Variants in ZNF385D observed in about 807,000 individuals in gnomAD.
ZNF385D encodes zinc finger protein 385D, also known as zinc finger protein 659.
A neutral mutation model predicts 35.8 loss-of-function variants in ZNF385D; 15 were observed. The observed-to-expected ratio is 0.42, with a 90% confidence interval of 0.28 to 0.64. ZNF385D has a LOEUF of 0.64. ZNF385D is among the 30% of genes least tolerant of loss of function. The probability of loss-of-function intolerance (pLI) is 0.23; values close to 1 mark genes in which losing one functional copy is unlikely to be tolerated. For synonymous variants in ZNF385D, 212 were observed against 186.8 expected (o/e 1.13, Z -1.10); for missense variants, 474 against 494.6 (o/e 0.96, Z 0.39).
At chr3:22,176,712 A>G (rs940169947) in intron 2 of ZNF385D, among the ~76,000 whole-genome samples, 22 of 152,190 alleles carry the variant, frequency 1.4e-4, no homozygotes, top group African/African-American at 5.1e-4. Flanking sequence ...TAAGCTTCAA[A>G]TCAGAATTTC....
intron 6 of ZNF385D, 23 bp downstream of exon 6, chr3:21,425,469 T>A: frequency 6.4e-7 from 1 of 1,555,874 alleles, no homozygotes; most frequent in Non-Finnish European, 8.7e-7. Flanking sequence ...TTGGTTTTCA[T>A]TCCTAGAATA....
intron 2 of ZNF385D, among the ~76,000 whole-genome samples, chr3:22,226,180 C>T (rs1576525732): frequency 1.3e-5 from 2 of 151,284 alleles, no homozygotes; most frequent in East Asian, 1.9e-4. Context: ...TTTCCATTTC[C>T]AAGTTTGATC....
intron 3 of ZNF385D, among the ~76,000 whole-genome samples, chr3:21,997,206 G>T (rs1349159410): frequency 1.3e-5 from 2 of 152,054 alleles, no homozygotes; most frequent in Non-Finnish European, 2.9e-5. Flanking sequence ...TAGGGACATG[G>T]ATGAAGCTGG....
intron 2 of ZNF385D, among the ~76,000 whole-genome samples, chr3:21,583,800 A>C (rs1224972132): frequency 6.6e-6 from 1 of 150,824 alleles, no homozygotes; most frequent in Non-Finnish European, 1.5e-5. Flanking sequence ...TTATGTTATA[A>C]CTATACATAG....
intron 2 of ZNF385D, among the ~76,000 whole-genome samples, chr3:21,600,511 A>C (rs1391398827): frequency 6.6e-6 from 1 of 152,186 alleles, no homozygotes; most frequent in Non-Finnish European, 1.5e-5. Context: ...TTAAAACAAG[A>C]AAAAAACAGC....
intron 3 of ZNF385D, among the ~76,000 whole-genome samples, chr3:21,775,395 T>TA (rs1200353778): frequency 2.6e-5 from 4 of 151,392 alleles, no homozygotes; most frequent in African/African-American, 7.3e-5. Context: ...CTCTGCTAGC[T>TA]AAAAAAAATT....
chr3:21,995,879 G>T (rs1448621694), intron 3 of ZNF385D, among the ~76,000 whole-genome samples: 1 of 152,028 alleles, frequency 6.6e-6, no homozygotes, highest in African/African-American at 2.4e-5. Context: ...GGTTCTCTTT[G>T]TCCTAGGGGC....
intron 2 of ZNF385D, among the ~76,000 whole-genome samples, chr3:22,304,031 G>A (rs1041834457): frequency 6.6e-6 from 1 of 152,128 alleles, no homozygotes; most frequent in Admixed American, 6.5e-5. Context: ...GCCCACCTCG[G>A]CCTCCCAGTG....
chr3:21,458,006 A>G (rs1254218844), intron 4 of ZNF385D, among the ~76,000 whole-genome samples: 1 of 152,180 alleles, frequency 6.6e-6, no homozygotes, highest in African/African-American at 2.4e-5. Flanking sequence ...ACAGTCCTCA[A>G]AAAAAGTTCC....
intron 3 of ZNF385D, among the ~76,000 whole-genome samples, chr3:21,516,950 TG>T (rs1358410489): frequency 2.6e-5 from 4 of 152,076 alleles, no homozygotes; most frequent in Admixed American, 2.6e-4. Context: ...CCAACTGAAA[TG>T]TTTTTCCCTT....
At chr3:21,601,764 A>G (rs534134636) in intron 2 of ZNF385D, among the ~76,000 whole-genome samples, 1 of 152,230 alleles carries the variant, frequency 6.6e-6, no homozygotes, top group Admixed American at 6.5e-5. Context: ...CTTTGAGATG[A>G]TTTTAGCAGT....
At chr3:21,686,370 G>A (rs890041659) in intron 1 of ZNF385D, among the ~76,000 whole-genome samples, 11 of 152,052 alleles carry the variant, frequency 7.2e-5, no homozygotes, top group Non-Finnish European at 8.8e-5. Context: ...CCACGGAATT[G>A]TAAAAAAATA....
At chr3:22,029,692 A>G (rs1172861179) in intron 3 of ZNF385D, among the ~76,000 whole-genome samples, 1 of 152,190 alleles carries the variant, frequency 6.6e-6, no homozygotes, top group Non-Finnish European at 1.5e-5. Context: ...TTGACTTCAT[A>G]TCACATTTAA....
At chr3:22,349,227 C>T (rs983290276) in intron 2 of ZNF385D, among the ~76,000 whole-genome samples, 2 of 152,156 alleles carry the variant, frequency 1.3e-5, no homozygotes, top group African/African-American at 4.8e-5. Flanking sequence ...ATGAAATAAA[C>T]AAGCAAATAC....
intron 3 of ZNF385D, among the ~76,000 whole-genome samples, chr3:21,852,830 G>T (rs192338303): frequency 6.6e-6 from 1 of 151,912 alleles, no homozygotes; most frequent in East Asian, 1.9e-4. Flanking sequence ...AAAAGAGTGA[G>T]ACTTGAAGAA....
chr3:21,641,892 A>G (rs1265762654), intron 2 of ZNF385D, among the ~76,000 whole-genome samples: 1 of 152,108 alleles, frequency 6.6e-6, no homozygotes, highest in African/African-American at 2.4e-5. Context: ...ACACATAAAT[A>G]GGCAAGCTGG....
chr3:21,439,428 A>T lies in ZNF385D; in HGVS notation c.440-2225T>A, dbSNP rs149258103. Reference sequence around the variant, plus strand: ...CTTAGGATCAGCTCTATCAGGAGTGATAACCGTAAATACAGATATTATATT... The same window carrying T: ...CTTAGGATCAGCTCTATCAGGAGTGTTAACCGTAAATACAGATATTATATT... On this transcript the variant is annotated intron_variant, in intron 4 of 7. Coordinates refer to ENST00000281523, the MANE Select transcript of ZNF385D (RefSeq NM_024697.3). Among the ~76,000 whole-genome samples, 26 of 152,034 alleles carry T rather than the reference A, an allele frequency of 1.7e-4. 1 individual carries two copies. The East Asian group carries it at 4.8e-3, about 28-fold the overall frequency.
chr3:21,997,754 G>C (rs1695558163), intron 3 of ZNF385D, among the ~76,000 whole-genome samples: 1 of 152,062 alleles, frequency 6.6e-6, no homozygotes, highest in South Asian at 2.1e-4. Context: ...GGAAATGGCA[G>C]ATAATATTAT....
chr3:22,320,375 T>C (rs553928907), intron 2 of ZNF385D, among the ~76,000 whole-genome samples: 1 of 152,150 alleles, frequency 6.6e-6, no homozygotes, highest in East Asian at 1.9e-4. Context: ...AATTCTTACA[T>C]AAAGGATCAT....
Sources: gnomAD v4.1 joint callset for allele counts (sites outside exome capture counted in the v4.1 genomes callset) on GRCh38, gnomAD v4.1.1 for gene constraint, MANE v1.5 for transcripts, NCBI Gene and HGNC (gene_info 2026-07-23, HGNC 2026-07-21) for gene names.